Variants in STARD13 observed in about 807,000 individuals in gnomAD.
STARD13 encodes the protein stAR-related lipid transfer protein 13.
In STARD13, 62 loss-of-function variants were observed where a neutral mutation model predicts 106.4. The ratio of observed to expected loss-of-function variants is 0.58; its 90% confidence interval spans 0.48 to 0.72. The LOEUF (loss-of-function observed/expected upper bound fraction) is 0.72. Ranked by LOEUF, STARD13 falls within the 30% of genes least tolerant of loss-of-function variation. STARD13 has a pLI of 0.00. For synonymous variants in STARD13, 565 were observed against 553.0 expected (o/e 1.02, Z -0.31); for missense variants, 1,387 against 1,424.0 (o/e 0.97, Z 0.42).
chr13:33,524,808 G>A, the STARD13 span, among the ~76,000 whole-genome samples: 1 of 151,998 alleles, frequency 6.6e-6, no homozygotes, highest in African/African-American at 2.4e-5. Context: ...GTTAAATCAA[G>A]CTAATTAACA....
the STARD13 span, among the ~76,000 whole-genome samples, chr13:33,626,281 A>G: frequency 3.3e-5 from 5 of 152,224 alleles, no homozygotes; most frequent in Admixed American, 2.6e-4. Flanking sequence ...TTATCCTCTC[A>G]GCTAAACAGA....
the STARD13 span, among the ~76,000 whole-genome samples, chr13:33,376,910 T>C: frequency 6.6e-6 from 1 of 152,250 alleles, no homozygotes; most frequent in Admixed American, 6.5e-5. Context: ...CAAATGCTGC[T>C]GAGAGTTCTA....
the STARD13 span, among the ~76,000 whole-genome samples, chr13:33,556,175 A>T: frequency 6.6e-6 from 1 of 152,184 alleles, no homozygotes; most frequent in Non-Finnish European, 1.5e-5. Flanking sequence ...AATCAAGATG[A>T]TGTTTAATTG....
intron 3 of STARD13, among the ~76,000 whole-genome samples, chr13:33,144,188 GC>G (rs1278488042): frequency 1.3e-5 from 2 of 152,140 alleles, no homozygotes; most frequent in Non-Finnish European, 2.9e-5. Context: ...CTCATCTGAG[GC>G]CAGAGTCACA....
the STARD13 span, among the ~76,000 whole-genome samples, chr13:33,636,010 T>G: frequency 1.3e-5 from 2 of 151,656 alleles, no homozygotes; most frequent in Non-Finnish European, 2.9e-5. Flanking sequence ...GGCATGGTTG[T>G]GGGCACCCGT....
At chr13:33,673,334 T>C in the STARD13 span, among the ~76,000 whole-genome samples, 1 of 152,208 alleles carries the variant, frequency 6.6e-6, no homozygotes, top group Non-Finnish European at 1.5e-5. Context: ...GCTCTGCTCA[T>C]GGCCTACATT....
intron 3 of STARD13, among the ~76,000 whole-genome samples, chr13:33,161,659 C>T (rs1685026375): frequency 6.6e-6 from 1 of 152,112 alleles, no homozygotes; most frequent in Non-Finnish European, 1.5e-5. Flanking sequence ...AACTTGGAGG[C>T]ATTTGTCAAA....
chr13:33,577,296 T>G, the STARD13 span, among the ~76,000 whole-genome samples: 1 of 152,180 alleles, frequency 6.6e-6, no homozygotes, highest in African/African-American at 2.4e-5. Flanking sequence ...AAGTTCACTT[T>G]AAGACAGGCT....
At chr13:33,244,015 CT>C (rs5802676) in intron 1 of STARD13, among the ~76,000 whole-genome samples, 86,542 of 141,012 alleles carry the variant, frequency 0.61, 26,560 homozygotes, top group Middle Eastern at 0.69. Context: ...GATTCCGGCT[CT>C]TTTTTTTTTT....
intron 1 of STARD13, among the ~76,000 whole-genome samples, chr13:33,198,507 TTGAA>T (rs1886797529): frequency 6.6e-6 from 1 of 152,092 alleles, no homozygotes; most frequent in African/African-American, 2.4e-5. Context: ...CTTAATTACC[TTGAA>T]TATATATTGC....
At chr13:33,444,504 G>A in the STARD13 span, among the ~76,000 whole-genome samples, 1 of 152,106 alleles carries the variant, frequency 6.6e-6, no homozygotes, top group Non-Finnish European at 1.5e-5. Flanking sequence ...AGTGGCTCAT[G>A]CCTGTAATCC....
chr13:33,340,814 A>G (rs893374122), intron 1 of STARD13, among the ~76,000 whole-genome samples: 4 of 152,240 alleles, frequency 2.6e-5, no homozygotes, highest in Non-Finnish European at 5.9e-5. Flanking sequence ...CTCTTGTGCA[A>G]TTTCTGGAAG....
chr13:33,170,202 A>G (rs1883788233), intron 1 of STARD13, among the ~76,000 whole-genome samples: 1 of 152,214 alleles, frequency 6.6e-6, no homozygotes, highest in Non-Finnish European at 1.5e-5. Flanking sequence ...GAGGGGATGA[A>G]TACCCTATTC....
chr13:33,405,206 G>A, the STARD13 span, among the ~76,000 whole-genome samples: 1 of 152,228 alleles, frequency 6.6e-6, no homozygotes, highest in Admixed American at 6.5e-5. Context: ...CTGATCAGTA[G>A]GTTATCATAT....
At chr13:33,517,534 T>C in the STARD13 span, among the ~76,000 whole-genome samples, 1 of 152,288 alleles carries the variant, frequency 6.6e-6, no homozygotes, top group Non-Finnish European at 1.5e-5. Flanking sequence ...TCTGGAAAAT[T>C]ACATCCAGTA....
chr13:33,194,542 C>G (rs1313300429), intron 1 of STARD13, among the ~76,000 whole-genome samples: 1 of 152,058 alleles, frequency 6.6e-6, no homozygotes, highest in Non-Finnish European at 1.5e-5. Flanking sequence ...TATACTTAAA[C>G]ATCATATTTT....
chr13:33,504,389 A>G, the STARD13 span, among the ~76,000 whole-genome samples: 5 of 152,208 alleles, frequency 3.3e-5, no homozygotes, highest in Non-Finnish European at 7.3e-5. Context: ...GATTAAGAAA[A>G]TATGGCACAT....
At chr13:33,658,679 G>A in the STARD13 span, among the ~76,000 whole-genome samples, 1 of 152,146 alleles carries the variant, frequency 6.6e-6, no homozygotes, top group African/African-American at 2.4e-5. Context: ...TCCTTTCCTG[G>A]AAACAACTAC....
At chr13:33,439,763 A>G in the STARD13 span, 1 of 1,070,478 alleles carries the variant, frequency 9.3e-7, no homozygotes, top group South Asian at 1.4e-5. Context: ...TCTCAAAATT[A>G]TACCACTTTT....
Sources: allele counts gnomAD v4.1 joint callset (sites outside exome capture counted in the v4.1 genomes callset), GRCh38; gene constraint gnomAD v4.1.1; transcripts MANE v1.5; gene names NCBI Gene and HGNC (gene_info 2026-07-23, HGNC 2026-07-21).